LRIG3: variants seen among roughly 807,000 people sequenced by gnomAD.
The protein encoded by LRIG3 is leucine-rich repeats and immunoglobulin-like domains protein 3.
A neutral mutation model predicts 114.5 loss-of-function variants in LRIG3; 76 were observed. That is an observed-to-expected ratio of 0.66 (90% confidence interval 0.55 to 0.80). The LOEUF is 0.80. Ranked by LOEUF, LRIG3 falls within the 30% of genes least tolerant of loss-of-function variation. The pLI is 0.00. For missense variants in LRIG3, 1,239 were observed against 1,382.8 expected, an observed-to-expected ratio of 0.90 and a Z score of 1.65; for synonymous variants, 512 against 519.8, an observed-to-expected ratio of 0.98 and a Z score of 0.20.
intron 3 of LRIG3, among the ~76,000 whole-genome samples, chr12:58,912,427 C>T (rs1399131046): frequency 1.3e-5 from 2 of 151,916 alleles, no homozygotes; most frequent in Admixed American, 6.6e-5. Flanking sequence ...ACCCAGGAGG[C>T]GGAGCTTACA....
chr12:58,902,346 C>T (rs930148085), intron 3 of LRIG3, among the ~76,000 whole-genome samples: 1 of 152,052 alleles, frequency 6.6e-6, no homozygotes, highest in African/African-American at 2.4e-5. Context: ...ATTGCTCATG[C>T]ACACTAAAAA....
At chr12:58,888,200 T>TAGACAACAAAAA in intron 7 of LRIG3, 129 bp downstream of exon 7, 1 of 1,130,240 alleles carries the variant, frequency 8.8e-7, no homozygotes, top group South Asian at 1.8e-5. Flanking sequence ...TAAGACTAGG[T>TAGACAACAAAAA]TGCATGTGAA....
At chr12:58,880,419 T>C in intron 13 of LRIG3, 162 bp downstream of exon 13, 1 of 783,226 alleles carries the variant, frequency 1.3e-6, no homozygotes, top group East Asian at 2.7e-5. Context: ...TAGATACAAA[T>C]AACCAAGAAT....
chr12:58,893,347 T>C (rs765441003), intron 3 of LRIG3, among the ~76,000 whole-genome samples: 1 of 152,224 alleles, frequency 6.6e-6, no homozygotes, highest in Non-Finnish European at 1.5e-5. Flanking sequence ...GTCAGGTAAC[T>C]AGCATAGATA....
At chr12:58,904,346 G>A (rs570426916) in intron 3 of LRIG3, among the ~76,000 whole-genome samples, 67 of 152,284 alleles carry the variant, frequency 4.4e-4, no homozygotes, top group African/African-American at 1.5e-3. Flanking sequence ...GAAACTGGCT[G>A]TAGCTTTATT....
Position 58,883,527 on chromosome 12 carries a change from GCA to G in LRIG3, c.1307_1308del (p.Leu436ProfsTer51), listed in dbSNP as rs1250028361. The G allele has an allele frequency of 6.5e-7, 1 of 1,539,462 alleles. No homozygotes were observed. The highest frequency in any genetic ancestry group is 8.9e-7 in the Non-Finnish European group (1 of 1,128,800). On this transcript the variant is annotated frameshift_variant, in exon 11 of 19. Coordinates refer to ENST00000320743, the MANE Select transcript of LRIG3 (RefSeq NM_153377.5). LOFTEE classifies it high-confidence loss of function. Reference protein sequence around the residue: ...QGNAFSQMKKLQQLHLNTSSL... With the variant: ...QGNAFSQMKKXQQLHLNTSSL... ...AGGAAAAGAAAAGCTTACAATTGTT[GCA>G]GTTTCTTCATTTGTGAAAATGCATT...
intron 12 of LRIG3, among the ~76,000 whole-genome samples, chr12:58,882,231 A>G (rs549331448): frequency 5.5e-4 from 84 of 152,354 alleles, no homozygotes; most frequent in Admixed American, 9.1e-4. Flanking sequence ...CATGGCAGCT[A>G]ATAGTAAATG....
chr12:58,920,162 C>A lies in LRIG3; in HGVS notation c.74G>T (p.Gly25Val). ...CCCGCGACCGCCGCTGTCTGACCGGCCAGCGCGCCCCAGCACCGCGCACAG... is the reference window on the plus strand; with the variant it reads ...CCCGCGACCGCCGCTGTCTGACCGGACAGCGCGCCCCAGCACCGCGCACAG... The part of the protein sequence containing the change: ...LLLCAVLGRA[G>V]RSDSGGRGEL... Residue 25 changes from glycine (G) to valine (V), a missense_variant, in exon 1 of 19, where the codon GGC (glycine) becomes GTC (valine). Transcript: ENST00000320743. 6.5e-7 allele frequency: 1 copy of A among 1,539,498 alleles called. No individual in the cohort carries two copies. Among genetic ancestry groups the A allele is most frequent in the East Asian group, 2.4e-5 (1 of 40,888 alleles).
At chr12:58,907,039 A>C (rs184983948) in intron 3 of LRIG3, among the ~76,000 whole-genome samples, 8 of 151,716 alleles carry the variant, frequency 5.3e-5, no homozygotes, top group African/African-American at 1.9e-4. Context: ...TGATCCCTGC[A>C]AACTCACACA....
intron 3 of LRIG3, among the ~76,000 whole-genome samples, chr12:58,895,840 G>T (rs1871623606): frequency 1.3e-5 from 2 of 152,136 alleles, no homozygotes; most frequent in Non-Finnish European, 2.9e-5. Flanking sequence ...CCCACTTGGG[G>T]GGCGAAACAT....
chr12:58,914,500 C>T (rs565534324), intron 1 of LRIG3, 164 bp from the exon 2 acceptor site: 2 of 562,124 alleles, frequency 3.6e-6, no homozygotes, highest in South Asian at 5.4e-5. Flanking sequence ...CTCAAAAATA[C>T]AAGCTCCAAG....
chr12:58,872,815 A>G lies in LRIG3; in HGVS notation c.3117T>C (p.Gly1039=). ...ASVASSNSFM[G]TFGKALRRPH... ...GTCTCCTGAGAGCTTTTCCAAAGGT[A>G]CCTGAAAGAAAGAAACACCTTGAGC... is the stretch of plus-strand genomic sequence containing the variant. Residue 1039 remains glycine, a splice_region_variant and synonymous_variant, in exon 19 of 19, where the codon GGT becomes GGC. Coordinates refer to ENST00000320743, the MANE Select transcript of LRIG3 (RefSeq NM_153377.5). 1 of 1,609,644 alleles carries G rather than the reference A, an allele frequency of 6.2e-7. No homozygotes were observed. The highest frequency in any genetic ancestry group is 8.5e-7 in the Non-Finnish European group (1 of 1,177,198).
intron 3 of LRIG3, among the ~76,000 whole-genome samples, chr12:58,901,728 G>C (rs1871855524): frequency 1.3e-5 from 2 of 152,186 alleles, no homozygotes; most frequent in Non-Finnish European, 2.9e-5. Context: ...ATGCAGAAAA[G>C]AGAACTGCTC....
At chr12:58,873,865 C>A (rs1195600485) in intron 18 of LRIG3, 190 bp downstream of exon 18, 2 of 654,088 alleles carry the variant, frequency 3.1e-6, no homozygotes, top group Non-Finnish European at 5.3e-6. Context: ...AGATTAAACA[C>A]ATCATCAAGT....
At chr12:58,899,488 TTA>T (rs1238054639) in intron 3 of LRIG3, among the ~76,000 whole-genome samples, 7 of 152,184 alleles carry the variant, frequency 4.6e-5, no homozygotes, top group Non-Finnish European at 8.8e-5. Context: ...AACATTTTTA[TTA>T]TGTTTTTAAA....
Position 58,874,118 on chromosome 12 carries a change from A to C in LRIG3, c.3052T>G (p.Ser1018Ala). 6.2e-7 allele frequency: 1 copy of C among 1,614,234 alleles called. No individual in the cohort carries two copies. Among genetic ancestry groups the C allele is most frequent in the South Asian group, 1.1e-5 (1 of 91,084 alleles). ...GGATTTGCACTAAAATCTAAAGAGG[A>C]CTTGTTTAGACACAGATTTTTCATT... ...PGMKNLCLNKSSLDFSANPEP... is the reference protein window; with the variant it reads ...PGMKNLCLNKASLDFSANPEP... The change falls in exon 18 of 19, where the codon TCC becomes GCC. Residue 1018 changes from serine to alanine, a missense_variant. By Grantham distance (99) the Ser-to-Ala change is moderately conservative (BLOSUM62 1). Coordinates refer to ENST00000320743, the MANE Select transcript of LRIG3 (RefSeq NM_153377.5).
chr12:58,885,494 T>C (rs1871246842), intron 10 of LRIG3, among the ~76,000 whole-genome samples: 1 of 152,132 alleles, frequency 6.6e-6, no homozygotes, highest in Non-Finnish European at 1.5e-5. Flanking sequence ...TGTGGTACAA[T>C]GCCTGATATA....
chr12:58,890,631 G>C, intron 4 of LRIG3, 34 bp downstream of exon 4: 1 of 1,540,130 alleles, frequency 6.5e-7, no homozygotes, highest in South Asian at 1.3e-5. Context: ...TTTCATTACA[G>C]GTGAAAGTTT....
intron 1 of LRIG3, among the ~76,000 whole-genome samples, chr12:58,918,070 T>C (rs1334190960): frequency 6.6e-6 from 1 of 152,118 alleles, no homozygotes; most frequent in Non-Finnish European, 1.5e-5. Context: ...CCTACAAAGA[T>C]GGTTAAAAGT....
Sources: allele counts gnomAD v4.1 joint callset (sites outside exome capture counted in the v4.1 genomes callset), GRCh38; gene constraint gnomAD v4.1.1; transcripts MANE v1.5; gene names NCBI Gene and HGNC (gene_info 2026-07-23, HGNC 2026-07-21).